TRAK2: variants seen among roughly 807,000 people sequenced by gnomAD.
TRAK2 encodes the protein trafficking kinesin protein 2, also known as trafficking kinesin-binding protein 2.
Under a neutral mutation model 104.6 loss-of-function variants are expected in TRAK2, and 81 were observed. The ratio of observed to expected loss-of-function variants is 0.77; its 90% CI spans 0.65 to 0.93. The LOEUF is 0.93. Among genes scored for constraint, TRAK2 ranks in the 40% least tolerant of loss-of-function variants. The pLI, the probability that TRAK2 is intolerant of heterozygous loss-of-function variation, is 0.00. For missense variants in TRAK2, 1,002 were observed against 1,089.0 expected (o/e 0.92, Z 1.12); for synonymous variants, 406 against 394.4 (o/e 1.03, Z -0.35).
Position 201,384,200 on chromosome 2 carries a change from T to C in TRAK2, c.1980A>G (p.Pro660=). The change falls in exon 15 of 16, where the codon CCA becomes CCG. Residue 660 remains proline (P), a synonymous_variant. Transcript: ENST00000332624. Reference sequence around the variant, plus strand: ...AGTTTGTGCACGACAGGCACTTTCCTGGGTTGGCGGTTGCAACTGAAATAG... The same window carrying C: ...AGTTTGTGCACGACAGGCACTTTCCCGGGTTGGCGGTTGCAACTGAAATAG... ...GGPVTVATAN[P]GKCLSCTNST... 6.2e-7 allele frequency: 1 copy of C among 1,613,086 alleles called. No individual in the cohort carries two copies. Among genetic ancestry groups the C allele is most frequent in the Non-Finnish European group, 8.5e-7 (1 of 1,179,552 alleles).
intron 1 of TRAK2, among the ~76,000 whole-genome samples, chr2:201,431,618 G>C (rs1338821023): frequency 1.3e-5 from 2 of 152,166 alleles, no homozygotes; most frequent in African/African-American, 2.4e-5. Context: ...AGGTAAAACT[G>C]GATAATCCAG....
Position 201,380,331 on chromosome 2 carries a change from C to G in TRAK2, c.*212G>C. 1 of 582,210 alleles carries G rather than the reference C, an allele frequency of 1.7e-6. No individual in the cohort carries two copies. The highest frequency in any genetic ancestry group is 3.0e-6 in the Non-Finnish European group (1 of 329,240). The allele number at this position is 582,210 out of a possible 1,614,324, so 36.1% of individuals were successfully genotyped here. On this transcript the variant is annotated 3_prime_UTR_variant, in exon 16 of 16. Transcript: ENST00000332624. Reference sequence around the variant, plus strand: ...TAAACCTTTCTTTTCTCCCTCTGAACACTCATGGCCCATTCATTTATACTT... The same window carrying G: ...TAAACCTTTCTTTTCTCCCTCTGAAGACTCATGGCCCATTCATTTATACTT...
chr2:201,417,241 C>CAAAAAAAAAAAAAAAAAGAAAAAA, intron 2 of TRAK2, among the ~76,000 whole-genome samples: 1 of 88,432 alleles, frequency 1.1e-5, no homozygotes. Flanking sequence ...GAAGACATTG[C>CAAAAAAAAAAAAAAAAAGAAAAAA]AAAAAAAAAA....
chr2:201,410,035 C>T (rs11690546), intron 2 of TRAK2, among the ~76,000 whole-genome samples: 86,693 of 152,114 alleles, frequency 0.57, 25,974 homozygotes, highest in South Asian at 0.68. Context: ...CGGTGGCTCA[C>T]GCCTGTAATC....
chr2:201,389,593 G>C, intron 11 of TRAK2, 90 bp from the exon 12 acceptor site: 1 of 1,285,334 alleles, frequency 7.8e-7, no homozygotes. Context: ...CAGAAATAAA[G>C]CCACCCTGAG....
At chr2:201,412,927 A>T (rs2125651690) in intron 2 of TRAK2, 23 of 781,922 alleles carry the variant, frequency 2.9e-5, no homozygotes, top group South Asian at 2.9e-4. Flanking sequence ...GTTACCAAGA[A>T]CACTGGCTAA....
In TRAK2 at chr2:201,388,023, T is replaced by C. The variant is rs373122772; in HGVS notation, c.1398-22A>G. ...GCTCCTATAGGAAAATCGCGTTCAC[T>C]GATTAGATCTTGAGGATCATCAGCA... On this transcript the variant is annotated intron_variant, in intron 12 of 15. Transcript: ENST00000332624. 205 of 1,613,008 alleles carry C rather than the reference T, an allele frequency of 1.3e-4. 1 individual carries two copies. The African/African-American group carries it at 2.2e-3, about 18-fold the overall frequency.
chr2:201,392,441 AT>A (rs1553621008), intron 10 of TRAK2, among the ~76,000 whole-genome samples: 3 of 152,278 alleles, frequency 2.0e-5, no homozygotes, highest in Non-Finnish European at 1.5e-5. Flanking sequence ...GTTTTTATTA[AT>A]TTTTTAATAC....
At chr2:201,411,728 T>A (rs951455295) in intron 2 of TRAK2, 1 of 780,750 alleles carries the variant, frequency 1.3e-6, no homozygotes, top group African/African-American at 1.7e-5. Context: ...GAATTTGTTG[T>A]AAGAAGGGTA....
chr2:201,389,986 C>A, intron 10 of TRAK2, 106 bp from the exon 11 acceptor site: 1 of 771,516 alleles, frequency 1.3e-6, no homozygotes, highest in Non-Finnish European at 2.1e-6. Flanking sequence ...AGGAAATAGT[C>A]AAGGCTAACA....
At chr2:201,437,904 A>AGGGAAAAATATACTAACTCT (rs1374887420) in intron 1 of TRAK2, among the ~76,000 whole-genome samples, 2 of 152,216 alleles carry the variant, frequency 1.3e-5, no homozygotes, top group African/African-American at 4.8e-5. Context: ...CTTTCTTATA[A>AGGGAAAAATATACTAACTCT]GGGAAAAATA....
chr2:201,433,604 A>G (rs1951859898), intron 1 of TRAK2: 1 of 152,176 alleles, frequency 6.6e-6, no homozygotes, highest in South Asian at 2.1e-4. Flanking sequence ...TTTGTTTATA[A>G]TGAATATCTG....
chr2:201,387,619 T>C, intron 13 of TRAK2, 84 bp downstream of exon 13: 4 of 1,355,626 alleles, frequency 3.0e-6, no homozygotes, highest in Non-Finnish European at 4.0e-6. Flanking sequence ...AATGTTCCTA[T>C]AATTAAGACA....
intron 1 of TRAK2, among the ~76,000 whole-genome samples, chr2:201,444,136 G>A (rs1164695194): frequency 6.6e-6 from 1 of 151,944 alleles, no homozygotes; most frequent in Non-Finnish European, 1.5e-5. Context: ...GGGAAGCAGA[G>A]GTTGCAGTGA....
At chr2:201,423,034 CCACCA>C (rs1951755876) in intron 1 of TRAK2, among the ~76,000 whole-genome samples, 1 of 133,772 alleles carries the variant, frequency 7.5e-6, no homozygotes, top group African/African-American at 3.1e-5. Flanking sequence ...AGCAACACCA[CCACCA>C]CACACACACA....
intron 15 of TRAK2, among the ~76,000 whole-genome samples, chr2:201,383,159 A>C (rs796346788): frequency 1.3e-5 from 2 of 152,352 alleles, no homozygotes; most frequent in African/African-American, 4.8e-5. Flanking sequence ...TATATATTAG[A>C]ATATTCAAGT....
At chr2:201,429,258 T>C (rs1951820035) in intron 1 of TRAK2, among the ~76,000 whole-genome samples, 1 of 152,202 alleles carries the variant, frequency 6.6e-6, no homozygotes, top group African/African-American at 2.4e-5. Context: ...TTTCCCTTTG[T>C]GGGTAACGCA....
intron 1 of TRAK2, among the ~76,000 whole-genome samples, chr2:201,444,393 A>T (rs1192558645): frequency 6.6e-6 from 1 of 151,672 alleles, no homozygotes; most frequent in African/African-American, 2.4e-5. Context: ...TCACAGAGAC[A>T]CAGACCTTTT....
chr2:201,442,316 AG>A (rs1951932110), intron 1 of TRAK2, among the ~76,000 whole-genome samples: 1 of 151,034 alleles, frequency 6.6e-6, no homozygotes, highest in South Asian at 2.1e-4. Flanking sequence ...GCGTGAACCC[AG>A]GGGGCGGAGC....
Sources: gnomAD v4.1 joint callset for allele counts (sites outside exome capture counted in the v4.1 genomes callset) on GRCh38, gnomAD v4.1.1 for gene constraint, MANE v1.5 for transcripts, NCBI Gene and HGNC (gene_info 2026-07-23, HGNC 2026-07-21) for gene names.